The following PRKCE variants were observed in gnomAD, a reference collection of about 807,000 sequenced individuals.
PRKCE encodes protein kinase C epsilon, also known as protein kinase C epsilon type.
In PRKCE, 16 loss-of-function variants were observed where a neutral mutation model predicts 85.4. The ratio of observed to expected loss-of-function variants is 0.19; its 90% CI spans 0.13 to 0.28. PRKCE has a LOEUF of 0.28. Among genes scored for constraint, PRKCE ranks in the 10% least tolerant of loss-of-function variants. The probability of loss-of-function intolerance (pLI) is 1.00; values close to 1 mark genes in which losing one functional copy is unlikely to be tolerated. For missense variants in PRKCE, 573 were observed against 975.2 expected (o/e 0.59, Z 5.49); for synonymous variants, 388 against 371.5 (o/e 1.04, Z -0.51).
chr2:45,752,392 A>C (rs531409048), intron 1 of PRKCE, among the ~76,000 whole-genome samples: 1 of 152,258 alleles, frequency 6.6e-6, no homozygotes, highest in Non-Finnish European at 1.5e-5. Context: ...CCCTGTGCTG[A>C]ACTGCTTGCC....
intron 1 of PRKCE, among the ~76,000 whole-genome samples, chr2:45,795,729 G>A (rs544232271): frequency 1.6e-4 from 25 of 152,296 alleles, no homozygotes; most frequent in African/African-American, 5.1e-4. Flanking sequence ...CCCTGGTTCC[G>A]TCAGCAGGGT....
intron 14 of PRKCE, among the ~76,000 whole-genome samples, chr2:46,161,138 C>T (rs766198506): frequency 2.3e-4 from 35 of 152,246 alleles, no homozygotes; most frequent in Non-Finnish European, 4.0e-4. Flanking sequence ...CTCTAAGCTC[C>T]CTGGGTTAAC....
chr2:45,745,594 G>T (rs1022716595), intron 1 of PRKCE, among the ~76,000 whole-genome samples: 2 of 152,158 alleles, frequency 1.3e-5, no homozygotes, highest in Admixed American at 1.3e-4. Flanking sequence ...ACTCCCAAAT[G>T]GAGCTGGGTA....
intron 1 of PRKCE, among the ~76,000 whole-genome samples, chr2:45,672,064 CA>C (rs3068989): frequency 0.51 from 48,641 of 95,426 alleles, 8,665 homozygotes; most frequent in Middle Eastern, 0.62. Flanking sequence ...CCCCCTGTCT[CA>C]AAAAAAAAAA....
At chr2:45,665,132 C>CCT (rs1675852619) in intron 1 of PRKCE, among the ~76,000 whole-genome samples, 1 of 152,200 alleles carries the variant, frequency 6.6e-6, no homozygotes, top group African/African-American at 2.4e-5. Context: ...TTGTTAAGAG[C>CCT]CTTGATCTTT....
intron 11 of PRKCE, among the ~76,000 whole-genome samples, chr2:46,114,094 C>T (rs976386612): frequency 1.3e-5 from 2 of 152,146 alleles, no homozygotes; most frequent in Non-Finnish European, 2.9e-5. Flanking sequence ...ATCTACCAGG[C>T]TGGGCCTTTG....
chr2:46,137,015 T>C (rs1675070037), intron 11 of PRKCE, among the ~76,000 whole-genome samples: 1 of 152,246 alleles, frequency 6.6e-6, no homozygotes, highest in Non-Finnish European at 1.5e-5. Context: ...TTTAGTGACT[T>C]GCACTGGCAG....
intron 9 of PRKCE, among the ~76,000 whole-genome samples, chr2:46,007,953 A>G (rs1705350470): frequency 6.6e-6 from 1 of 152,314 alleles, no homozygotes; most frequent in East Asian, 1.9e-4. Context: ...AGCACTTTGG[A>G]AAGTTTTAAA....
At chr2:46,036,968 G>C (rs913561646) in intron 10 of PRKCE, among the ~76,000 whole-genome samples, 11 of 152,328 alleles carry the variant, frequency 7.2e-5, no homozygotes, top group African/African-American at 2.6e-4. Flanking sequence ...CCTTGGCCCA[G>C]GCCCTGGTAG....
At chr2:45,955,932 A>T (rs1026663178) in intron 2 of PRKCE, among the ~76,000 whole-genome samples, 2 of 152,124 alleles carry the variant, frequency 1.3e-5, no homozygotes, top group African/African-American at 4.8e-5. Flanking sequence ...TCACCTCCCA[A>T]ATTCTCCCGT....
chr2:45,746,167 T>A (rs185659537), intron 1 of PRKCE, among the ~76,000 whole-genome samples: 1 of 152,328 alleles, frequency 6.6e-6, no homozygotes, highest in African/African-American at 2.4e-5. Context: ...TCATTTGTAT[T>A]TGTAGGGAAA....
In PRKCE at chr2:45,976,426, CA is replaced by C. The variant is rs1558908780; in HGVS notation, c.413-2del. 3 of 1,599,286 alleles carry C rather than the reference CA, an allele frequency of 1.9e-6. No homozygotes were observed. Among genetic ancestry groups the C allele is most frequent in the Non-Finnish European group, 2.5e-6 (3 of 1,179,598 alleles). On this transcript the variant is annotated splice_acceptor_variant, in intron 2 of 14. Transcript: ENST00000306156. LOFTEE classifies it high-confidence loss of function. ...TTTCTTCCCTGCTCTTGTCCTTCCC[CA>C]GCCCCTAAAGACAATGAAGAGCGTG...
chr2:45,968,266 C>T (rs1420137327), intron 2 of PRKCE, among the ~76,000 whole-genome samples: 4 of 152,148 alleles, frequency 2.6e-5, no homozygotes, highest in African/African-American at 9.7e-5. Context: ...CACACACACA[C>T]ACCATGGAAT....
intron 2 of PRKCE, among the ~76,000 whole-genome samples, chr2:45,940,233 G>A (rs931354154): frequency 4.6e-5 from 7 of 152,160 alleles, no homozygotes; most frequent in African/African-American, 1.7e-4. Context: ...TAGGAGTCTG[G>A]TGAGAGGCCA....
At chr2:45,826,196 C>T (rs911180197) in intron 1 of PRKCE, among the ~76,000 whole-genome samples, 3 of 152,094 alleles carry the variant, frequency 2.0e-5, no homozygotes, top group Middle Eastern at 3.2e-3. Context: ...CCTCATTCCT[C>T]TAGTTTCATG....
intron 1 of PRKCE, among the ~76,000 whole-genome samples, chr2:45,787,536 C>A (rs1686704141): frequency 1.3e-5 from 2 of 152,174 alleles, no homozygotes. Context: ...CAGATGGTTT[C>A]CTAAACAGGT....
Position 45,989,682 on chromosome 2 carries a change from A to G in PRKCE, c.823+5002A>G, listed in dbSNP as rs191010801. On this transcript the variant is annotated intron_variant, in intron 6 of 14. Transcript: ENST00000306156. ...AAAAAAGTATTTTGGATACTTAAAA[A>G]CACTAAAAACATGCAGAATAATTTT... Among the ~76,000 whole-genome samples, 173 of 152,284 alleles carry G rather than the reference A, an allele frequency of 1.1e-3. 1 individual carries two copies. The highest frequency in any genetic ancestry group is 3.9e-3 in the African/African-American group (162 of 41,552).
intron 2 of PRKCE, among the ~76,000 whole-genome samples, chr2:45,964,384 T>C (rs1289992482): frequency 6.6e-6 from 1 of 152,258 alleles, no homozygotes; most frequent in Non-Finnish European, 1.5e-5. Flanking sequence ...TTTCCTGTGA[T>C]TCATCTCAGA....
intron 2 of PRKCE, among the ~76,000 whole-genome samples, chr2:45,882,807 G>A (rs915040965): frequency 3.9e-5 from 6 of 152,218 alleles, no homozygotes; most frequent in South Asian, 2.1e-4. Context: ...AAATGTTCAC[G>A]TGTTACCTCC....
Sources: allele counts gnomAD v4.1 joint callset (sites outside exome capture counted in the v4.1 genomes callset), GRCh38; gene constraint gnomAD v4.1.1; transcripts MANE v1.5; gene names NCBI Gene and HGNC (gene_info 2026-07-23, HGNC 2026-07-21).